The following PHLPP1 variants were observed in gnomAD, a reference collection of about 807,000 sequenced individuals.
The protein encoded by PHLPP1 is PH domain and leucine rich repeat protein phosphatase 1, also known as PH domain leucine-rich repeat-containing protein phosphatase 1.
A neutral mutation model predicts 117.2 loss-of-function variants in PHLPP1; 42 were observed. That is an observed-to-expected ratio of 0.36 (90% CI 0.28 to 0.46). The LOEUF (loss-of-function observed/expected upper bound fraction) is 0.46, where lower values mean the gene tolerates loss of function less well. Ranked by LOEUF, PHLPP1 falls within the 20% of genes least tolerant of loss-of-function variation. The pLI, the probability that PHLPP1 is intolerant of heterozygous loss-of-function variation, is 1.00. For missense variants in PHLPP1, 2,084 were observed against 2,241.9 expected (o/e 0.93, Z 1.42); for synonymous variants, 1,042 against 970.7 (o/e 1.07, Z -1.37).
At chr18:62,765,884 G>A (rs1033669550) in intron 1 of PHLPP1, among the ~76,000 whole-genome samples, 3 of 150,188 alleles carry the variant, frequency 2.0e-5, no homozygotes, top group African/African-American at 4.9e-5. Flanking sequence ...TGTAGTCCCA[G>A]CTACTCGGGA....
chr18:62,938,372 C>T (rs995814958), intron 10 of PHLPP1, among the ~76,000 whole-genome samples: 45 of 152,120 alleles, frequency 3.0e-4, no homozygotes, highest in African/African-American at 9.9e-4. Context: ...CCTGGAGAAA[C>T]TTTGCAAAAC....
intron 1 of PHLPP1, among the ~76,000 whole-genome samples, chr18:62,743,612 A>G (rs965321486): frequency 1.3e-5 from 2 of 152,178 alleles, no homozygotes; most frequent in African/African-American, 4.8e-5. Context: ...TTTTTCAGCA[A>G]TTACCTAGTC....
At chr18:62,785,730 G>A (rs1446523678) in intron 1 of PHLPP1, among the ~76,000 whole-genome samples, 4 of 152,168 alleles carry the variant, frequency 2.6e-5, no homozygotes, top group Admixed American at 2.6e-4. Flanking sequence ...CGTTCATGCT[G>A]GATTTGGGGC....
In PHLPP1 at chr18:62,717,248, G is replaced by A; in HGVS notation, c.1565G>A (p.Arg522His). 6.3e-7 allele frequency: 1 copy of A among 1,587,836 alleles called. No individual in the cohort carries two copies. Among genetic ancestry groups the A allele is most frequent in the Non-Finnish European group, 8.6e-7 (1 of 1,164,324 alleles). Residue 522 changes from arginine (R) to histidine (H), a missense_variant, in exon 1 of 17, where the codon CGC (arginine) becomes CAC (histidine). Around this residue, in one of 2 missense-constraint regions of PHLPP1, gnomAD observed 1,365 missense variants for 1,605.9 expected, o/e 0.85. Coordinates refer to ENST00000262719, the MANE Select transcript of PHLPP1 (RefSeq NM_194449.4). ...GACTCGGAGATTGGCTGCCTCATCC[G>A]CTTCTATGCAGGTAAGGAAGTCACC... ...GMDSEIGCLI[R>H]FYAGKPHSTG...
At chr18:62,861,695 C>T (rs960939612) in intron 4 of PHLPP1, among the ~76,000 whole-genome samples, 2 of 152,154 alleles carry the variant, frequency 1.3e-5, no homozygotes, top group African/African-American at 2.4e-5. Context: ...TGGTTTTTAA[C>T]ATCCAGAAAA....
intron 9 of PHLPP1, 74 bp downstream of exon 9, chr18:62,915,082 A>C (rs1909226537): frequency 9.5e-7 from 1 of 1,054,918 alleles, no homozygotes; most frequent in Admixed American, 2.2e-5. Context: ...TCAGTGTTTA[A>C]CTTGGTATCA....
At position 62,980,079 on chromosome 18, in the gene PHLPP1, C is replaced by T. The variant is rs1194533070; in HGVS notation, c.*648C>T. 6.5e-6 allele frequency: 1 copy of T among 152,680 alleles called. No individual in the cohort carries two copies. The highest frequency in any genetic ancestry group is 1.5e-5 in the Non-Finnish European group (1 of 68,120). 9.5% of individuals were successfully genotyped at this position (152,680 alleles called of 1,614,324 possible). On this transcript the variant is annotated 3_prime_UTR_variant, in exon 17 of 17. Transcript: ENST00000262719. The stretch of plus-strand genomic sequence containing the variant: ...GTAGTCTTGGCGTAAGGACACAGCC[C>T]AAGTAACTGACGTTTCCCCTCCCCC...
chr18:62,853,566 C>T (rs1915415206), intron 3 of PHLPP1, among the ~76,000 whole-genome samples: 1 of 152,074 alleles, frequency 6.6e-6, no homozygotes, highest in South Asian at 2.1e-4. Flanking sequence ...GATGGAGTTT[C>T]CCCATGTTGG....
chr18:62,966,617 C>T (rs1322143418), intron 14 of PHLPP1, among the ~76,000 whole-genome samples: 2 of 151,822 alleles, frequency 1.3e-5, no homozygotes, highest in Admixed American at 6.6e-5. Flanking sequence ...ACCACAGGCG[C>T]CCGCCACCAC....
At chr18:62,788,658 T>C (rs1279361136) in intron 1 of PHLPP1, among the ~76,000 whole-genome samples, 1 of 152,206 alleles carries the variant, frequency 6.6e-6, no homozygotes, top group Non-Finnish European at 1.5e-5. Flanking sequence ...TCTTATGTTT[T>C]TCAAAACATC....
intron 4 of PHLPP1, among the ~76,000 whole-genome samples, chr18:62,861,919 T>A (rs1175353279): frequency 6.6e-6 from 1 of 152,238 alleles, no homozygotes; most frequent in Non-Finnish European, 1.5e-5. Flanking sequence ...TTGATCTGAC[T>A]TGCAGTTTGA....
In PHLPP1 at chr18:62,766,102, T is replaced by TATATATATATATATATATAA. The variant is rs1491446982; in HGVS notation, c.1576+48844_1576+48845insTATATATATATATATATAAA. On this transcript the variant is annotated intron_variant, in intron 1 of 16. Coordinates refer to ENST00000262719, the MANE Select transcript of PHLPP1 (RefSeq NM_194449.4). ...ATATATATATATATATATATATATATAAAATATATATATATTTGTACAGAA... is the reference window on the plus strand; with the variant it reads ...ATATATATATATATATATATATATATATATATATATATATATATAAAAAATATATATATATTTGTACAGAA... 1.1e-3 allele frequency among the ~76,000 whole-genome samples: 67 copies of TATATATATATATATATATAA among 60,618 alleles called. 1 individual carries two copies. The highest frequency in any genetic ancestry group is 2.4e-3 in the East Asian group (4 of 1,700). 39.8% of individuals were successfully genotyped at this position (60,618 alleles called of 152,430 possible).
intron 2 of PHLPP1, among the ~76,000 whole-genome samples, chr18:62,831,476 T>C (rs2144332679): frequency 6.6e-6 from 1 of 152,178 alleles, no homozygotes; most frequent in East Asian, 1.9e-4. Context: ...TAGCTGGGAC[T>C]ACAGGCGCAT....
intron 1 of PHLPP1, among the ~76,000 whole-genome samples, chr18:62,821,558 A>C: frequency 6.7e-6 from 1 of 149,512 alleles, no homozygotes; most frequent in East Asian, 1.9e-4. Context: ...CCAAAAAAAA[A>C]AAAAAAAAAA....
At chr18:62,846,547 A>G (rs1175777969) in intron 3 of PHLPP1, among the ~76,000 whole-genome samples, 2 of 143,882 alleles carry the variant, frequency 1.4e-5, no homozygotes, top group Admixed American at 6.9e-5. Context: ...GAGAAGTGTG[A>G]AAAAAAAAAA....
intron 1 of PHLPP1, among the ~76,000 whole-genome samples, chr18:62,739,537 T>G (rs1194473405): frequency 1.3e-5 from 2 of 152,142 alleles, no homozygotes; most frequent in African/African-American, 4.8e-5. Context: ...GTAAGTTATA[T>G]CTCAGTGGAA....
At chr18:62,944,065 G>T (rs987087071) in intron 11 of PHLPP1, among the ~76,000 whole-genome samples, 15 of 151,184 alleles carry the variant, frequency 9.9e-5, no homozygotes, top group African/African-American at 2.9e-4. Flanking sequence ...TAATACAGTG[G>T]TTTTTTTTTG....
At chr18:62,746,951 G>A (rs765008401) in intron 1 of PHLPP1, among the ~76,000 whole-genome samples, 6 of 152,062 alleles carry the variant, frequency 3.9e-5, no homozygotes, top group Non-Finnish European at 8.8e-5. Context: ...TTTTCTAATT[G>A]TTCTAGACTC....
chr18:62,843,273 G>A (rs1461910602), intron 3 of PHLPP1, among the ~76,000 whole-genome samples: 1 of 152,128 alleles, frequency 6.6e-6, no homozygotes, highest in African/African-American at 2.4e-5. Flanking sequence ...CTGATTATTA[G>A]TAACTGTCCC....
Sources: allele counts gnomAD v4.1 joint callset (sites outside exome capture counted in the v4.1 genomes callset), GRCh38; gene constraint gnomAD v4.1.1; regional missense constraint gnomAD v4.1.1; transcripts MANE v1.5; gene names NCBI Gene and HGNC (gene_info 2026-07-23, HGNC 2026-07-21).